Variants in RHEBL1 observed in about 807,000 individuals in gnomAD.
RHEBL1 encodes the protein RHEB like 1.
A neutral mutation model predicts 27.4 loss-of-function variants in RHEBL1; 22 were observed. The ratio of observed to expected loss-of-function variants is 0.80; its 90% confidence interval spans 0.57 to 1.15. The LOEUF (loss-of-function observed/expected upper bound fraction) is 1.15. Ranked by LOEUF, RHEBL1 falls within the 50% of genes most tolerant of loss-of-function variation. The pLI, the probability that RHEBL1 is intolerant of heterozygous loss-of-function variation, is 0.00. For missense variants in RHEBL1, 186 were observed against 226.5 expected, an observed-to-expected ratio of 0.82 and a Z score of 1.15; for synonymous variants, 85 against 80.8, an observed-to-expected ratio of 1.05 and a Z score of -0.28.
At chr12:49,068,945 G>T in intron 2 of RHEBL1, 90 bp downstream of exon 2, 2 of 1,344,414 alleles carry the variant, frequency 1.5e-6, no homozygotes, top group Non-Finnish European at 2.0e-6. Context: ...CAGCCCCTTG[G>T]CACCAGAGAA....
Position 49,066,670 on chromosome 12 carries a change from A to G in RHEBL1, c.224T>C (p.Ile75Thr). 1 of 1,614,158 alleles carries G rather than the reference A, an allele frequency of 6.2e-7. No individual in the cohort carries two copies. ...AAGCACATAACCATGGACCCCAATG[A>G]TGAATGAATAGGGCAGAATGCTGTA... The part of the protein sequence containing the change: ...DEYSILPYSF[I>T]IGVHGYVLVY... The change falls in exon 4 of 8, where the codon ATC becomes ACC. Residue 75 changes from isoleucine (I) to threonine (T), a missense_variant. Physicochemically the swap from Ile to Thr is moderately conservative, Grantham distance 89. This residue lies in a region of RHEBL1 where 34 missense variants were observed against 69.3 expected (regional missense o/e 0.49). Transcript: ENST00000301068.
intron 2 of RHEBL1, 128 bp from the exon 3 acceptor site, chr12:49,067,163 C>T: frequency 1.6e-6 from 1 of 629,560 alleles, no homozygotes. Flanking sequence ...GCTGCAGTGG[C>T]ATGATCTCAG....
Position 49,069,117 on chromosome 12 carries a change from C to G in RHEBL1, c.53-11G>C. ...CCAAAGATGTCTTCCCTGTGGGGAG[C>G]AGTGTGACAGTTGTATCCAAATCAT... On this transcript the variant is annotated splice_polypyrimidine_tract_variant and intron_variant, in intron 1 of 7. Transcript: ENST00000301068. 6.2e-7 allele frequency: 1 copy of G among 1,614,032 alleles called. No individual in the cohort carries two copies.
In RHEBL1 at chr12:49,065,024, A is replaced by C. The variant is rs2120749041; in HGVS notation, c.*79T>G. ...ACACAGCTGGCAACCATACCCGTGAAGTCCTGAGGATCTGCCCCCCACTGG... is the reference window on the plus strand; with the variant it reads ...ACACAGCTGGCAACCATACCCGTGACGTCCTGAGGATCTGCCCCCCACTGG... On this transcript the variant is annotated 3_prime_UTR_variant, in exon 8 of 8. Coordinates refer to ENST00000301068, the MANE Select transcript of RHEBL1 (RefSeq NM_144593.3). 3 of 1,011,976 alleles carry C rather than the reference A, an allele frequency of 3.0e-6. No homozygotes were observed. The South Asian group carries it at 3.8e-5, about 13-fold the overall frequency. 62.7% of individuals were successfully genotyped at this position (1,011,976 alleles called of 1,614,324 possible).
At chr12:49,069,405 G>A (rs1283651116) in intron 1 of RHEBL1, among the ~76,000 whole-genome samples, 1 of 151,938 alleles carries the variant, frequency 6.6e-6, no homozygotes, top group Non-Finnish European at 1.5e-5. Context: ...CCCGCCCCAG[G>A]ACACCTGCGA....
At chr12:49,068,350 C>T (rs1490482526) in intron 2 of RHEBL1, among the ~76,000 whole-genome samples, 2 of 151,138 alleles carry the variant, frequency 1.3e-5, no homozygotes, top group African/African-American at 4.9e-5. Flanking sequence ...AGGCTGGTCT[C>T]GAACTCTTGA....
Position 49,069,032 on chromosome 12 carries a change from C to G in RHEBL1, c.124+3G>C. Reference sequence around the variant, plus strand: ...CAGCACACTAGGGGAGAAGTCTACTCACTATTCTCCACTGTAGGATCGTAG... The same window carrying G: ...CAGCACACTAGGGGAGAAGTCTACTGACTATTCTCCACTGTAGGATCGTAG... On this transcript the variant is annotated splice_donor_region_variant and intron_variant, in intron 2 of 7. Coordinates refer to ENST00000301068, the MANE Select transcript of RHEBL1 (RefSeq NM_144593.3). 6.2e-7 allele frequency: 1 copy of G among 1,612,598 alleles called. No individual in the cohort carries two copies. Among genetic ancestry groups the G allele is most frequent in the Non-Finnish European group, 8.5e-7 (1 of 1,179,116 alleles).
At chr12:49,067,987 A>T (rs1052596511) in intron 2 of RHEBL1, among the ~76,000 whole-genome samples, 2 of 152,118 alleles carry the variant, frequency 1.3e-5, no homozygotes, top group Non-Finnish European at 2.9e-5. Flanking sequence ...TTGAAATGTA[A>T]AATAGCTTAT....
intron 2 of RHEBL1, among the ~76,000 whole-genome samples, chr12:49,067,636 TG>T (rs1395736255): frequency 6.6e-6 from 1 of 151,970 alleles, no homozygotes; most frequent in East Asian, 1.9e-4. Flanking sequence ...AAAAATTAGT[TG>T]GGCATGGTGG....
Position 49,068,193 on chromosome 12 carries a change from G to A in RHEBL1, c.124+842C>T, listed in dbSNP as rs1180349232. On this transcript the variant is annotated intron_variant, in intron 2 of 7. Coordinates refer to ENST00000301068, the MANE Select transcript of RHEBL1 (RefSeq NM_144593.3). ...TGCCCAGGCTAGAGCGCAGTGGCAC[G>A]ATCTCGGCTCACTGCAACCTCCGCC... 6.0e-5 allele frequency among the ~76,000 whole-genome samples: 9 copies of A among 150,330 alleles called. No homozygotes were observed. In the East Asian group the frequency reaches 1.8e-3, roughly 29 times the overall value.
rs558105825 is a variant in RHEBL1, at chr12:49,064,944, C to T, written c.*159G>A. ...AACATTGACATCCAGGCCACTGGAG[C>T]CTGGGGAAAGTGTGCAAACATGAGG... On this transcript the variant is annotated 3_prime_UTR_variant, in exon 8 of 8. Coordinates refer to ENST00000301068, the MANE Select transcript of RHEBL1 (RefSeq NM_144593.3). 1 of 618,502 alleles carries T rather than the reference C, an allele frequency of 1.6e-6. No homozygotes were observed. The highest frequency in any genetic ancestry group is 1.9e-5 in the South Asian group (1 of 53,972). 38.3% of individuals were successfully genotyped at this position (618,502 alleles called of 1,614,324 possible).
intron 2 of RHEBL1, 64 bp from the exon 3 acceptor site, chr12:49,067,099 CTTTTTTT>C: frequency 4.9e-5 from 29 of 587,400 alleles, no homozygotes; most frequent in Non-Finnish European, 5.3e-5. Context: ...TGTCCCCTGA[CTTTTTTT>C]TTTTTTTTTT....
Position 49,066,706 on chromosome 12 carries a change from C to T in RHEBL1, c.193-5G>A, listed in dbSNP as rs1227316926. The T allele has an allele frequency of 6.2e-7, 1 of 1,613,200 alleles. No individual in the cohort carries two copies. The highest frequency in any genetic ancestry group is 1.7e-4 in the Middle Eastern group (1 of 6,060). ...GGGCAGAATGCTGTACTCATCCTGG[C>T]AAGAAATGGGAAACATCAGTACCTA... is the stretch of plus-strand genomic sequence containing the variant. On this transcript the variant is annotated splice_region_variant and splice_polypyrimidine_tract_variant and intron_variant, in intron 3 of 7. Coordinates refer to ENST00000301068, the MANE Select transcript of RHEBL1 (RefSeq NM_144593.3).
Position 49,066,913 on chromosome 12 carries a change from A to G in RHEBL1, c.192+55T>C, listed in dbSNP as rs557224405. 17 of 1,409,758 alleles carry G rather than the reference A, an allele frequency of 1.2e-5. No individual in the cohort carries two copies. In the East Asian group the frequency reaches 3.4e-4, roughly 28 times the overall value. The allele number at this position is 1,409,758 out of a possible 1,614,324, so 87.3% of individuals were successfully genotyped here. A position where few individuals can be genotyped will look rare whatever the true frequency, so the allele number is the denominator to read the frequency against. ...ACGGATGAGCCACAAAGACTACCAG[A>G]CTTCATCTCCGAGGGCTGAACTGCC... On this transcript the variant is annotated intron_variant, in intron 3 of 7. Coordinates refer to ENST00000301068, the MANE Select transcript of RHEBL1 (RefSeq NM_144593.3).
At position 49,066,713 on chromosome 12, in the gene RHEBL1, T is replaced by C. The variant is rs1349182021; in HGVS notation, c.193-12A>G. ...ATGCTGTACTCATCCTGGCAAGAAA[T>C]GGGAAACATCAGTACCTAGATCCAA... is the stretch of plus-strand genomic sequence containing the variant. On this transcript the variant is annotated splice_polypyrimidine_tract_variant and intron_variant, in intron 3 of 7. Transcript: ENST00000301068. 6.2e-7 allele frequency: 1 copy of C among 1,611,508 alleles called. No homozygotes were observed. The highest frequency in any genetic ancestry group is 8.5e-7 in the Non-Finnish European group (1 of 1,177,704).
Position 49,065,356 on chromosome 12 carries a change from C to A in RHEBL1, c.456G>T (p.Glu152Asp), listed in dbSNP as rs772176365. Residue 152 changes from glutamate (E) to aspartate (D), a missense_variant, in exon 7 of 8, where the codon GAG becomes GAT. Transcript: ENST00000301068. ...TAGTCTTCAGGCCCAGCACCTGATTCTCTCGAGCAGATGACTCCATAAATG... is the reference window on the plus strand; with the variant it reads ...TAGTCTTCAGGCCCAGCACCTGATTATCTCGAGCAGATGACTCCATAAATG... ...GATFMESSAR[E>D]NQLTQGIFTK... 19 of 1,614,078 alleles carry A rather than the reference C, an allele frequency of 1.2e-5. No homozygotes were observed. The highest frequency in any genetic ancestry group is 1.6e-4 in the Middle Eastern group (1 of 6,062).
chr12:49,069,833 C>A lies in RHEBL1; in HGVS notation c.-48G>T, dbSNP rs759808881. On this transcript the variant is annotated 5_prime_UTR_variant, in exon 1 of 8. Transcript: ENST00000301068. The stretch of plus-strand genomic sequence containing the variant: ...TTGCGGAACTGCGGGCTCAGAGAGC[C>A]CGAAAACGAGGTCAGGGTGTGAGCA... 3 of 1,571,600 alleles carry A rather than the reference C, an allele frequency of 1.9e-6. No homozygotes were observed. In the Admixed American group the frequency reaches 5.0e-5, roughly 26 times the overall value.
In RHEBL1 at chr12:49,069,780, C is replaced by T; in HGVS notation, c.6G>A (p.Pro2=). M[P]LVRYRKVVIL... ...TGACCACCTTCCTGTAGCGGACTAG[C>T]GGCATGGCAGGAGCCCGCCCCAGGG... The change falls in exon 1 of 8, where the codon CCG becomes CCA. Residue 2 remains proline, a synonymous_variant. Transcript: ENST00000301068. 6.2e-7 allele frequency: 1 copy of T among 1,613,458 alleles called. No individual in the cohort carries two copies. Among genetic ancestry groups the T allele is most frequent in the African/African-American group, 1.3e-5 (1 of 74,902 alleles).
In RHEBL1 at chr12:49,069,797, GC is replaced by G; in HGVS notation, c.-13del. On this transcript the variant is annotated 5_prime_UTR_variant, in exon 1 of 8. Transcript: ENST00000301068. The stretch of plus-strand genomic sequence containing the variant: ...CGGACTAGCGGCATGGCAGGAGCCC[GC>G]CCCAGGGGCTTGCGGAACTGCGGGC... The G allele has an allele frequency of 6.2e-7, 1 of 1,613,188 alleles. No individual in the cohort carries two copies. Among genetic ancestry groups the G allele is most frequent in the African/African-American group, 1.3e-5 (1 of 75,038 alleles).
Sources: gnomAD v4.1 joint callset for allele counts (sites outside exome capture counted in the v4.1 genomes callset) on GRCh38, gnomAD v4.1.1 for gene constraint, gnomAD v4.1.1 regional missense constraint, MANE v1.5 for transcripts, NCBI Gene and HGNC (gene_info 2026-07-23, HGNC 2026-07-21) for gene names.